ADAMTS17: variants seen among roughly 807,000 people sequenced by gnomAD.
ADAMTS17 encodes the protein A disintegrin and metalloproteinase with thrombospondin motifs 17.
Under a neutral mutation model 141.5 loss-of-function variants are expected in ADAMTS17, and 113 were observed. The ratio of observed to expected loss-of-function variants is 0.80; its 90% confidence interval spans 0.69 to 0.93. ADAMTS17 has a LOEUF of 0.93. ADAMTS17 is among the 40% of genes least tolerant of loss of function. ADAMTS17 has a pLI of 0.00. For missense variants in ADAMTS17, 1,659 were observed against 1,517.9 expected, an observed-to-expected ratio of 1.09 and a Z score of -1.54; for synonymous variants, 768 against 630.6, an observed-to-expected ratio of 1.22 and a Z score of -3.27.
chr15:100,330,813 C>T (rs2046027870), intron 3 of ADAMTS17, 76 bp downstream of exon 3: 2 of 1,573,428 alleles, frequency 1.3e-6, no homozygotes, highest in Non-Finnish European at 1.7e-6. Flanking sequence ...CATGTGGCTT[C>T]AGTGCACTTG....
chr15:100,327,174 A>G (rs1167830003), intron 3 of ADAMTS17, among the ~76,000 whole-genome samples: 1 of 152,238 alleles, frequency 6.6e-6, no homozygotes, highest in Non-Finnish European at 1.5e-5. Context: ...ACAAAGCACA[A>G]GACCTGACCA....
At chr15:100,125,435 G>A (rs191455274) in intron 12 of ADAMTS17, among the ~76,000 whole-genome samples, 29 of 152,306 alleles carry the variant, frequency 1.9e-4, no homozygotes, top group Middle Eastern at 3.4e-3. Flanking sequence ...TCCTCCCGCC[G>A]TCTTAGCAGG....
intron 7 of ADAMTS17, among the ~76,000 whole-genome samples, chr15:100,213,821 G>C (rs761423056): frequency 1.3e-5 from 2 of 152,216 alleles, no homozygotes; most frequent in Non-Finnish European, 2.9e-5. Flanking sequence ...GGGAGCACAC[G>C]CACTACCAGT....
intron 13 of ADAMTS17, among the ~76,000 whole-genome samples, chr15:100,112,049 T>G (rs1022174485): frequency 6.6e-6 from 1 of 152,220 alleles, no homozygotes; most frequent in Non-Finnish European, 1.5e-5. Flanking sequence ...TATCCTCTGA[T>G]TCGAGTAGAA....
At chr15:100,217,427 G>C (rs2042003065) in intron 7 of ADAMTS17, among the ~76,000 whole-genome samples, 1 of 152,106 alleles carries the variant, frequency 6.6e-6, no homozygotes, top group African/African-American at 2.4e-5. Context: ...GGAAAACCCT[G>C]TCTCTACTAA....
At chr15:100,323,796 C>G (rs925525314) in intron 3 of ADAMTS17, among the ~76,000 whole-genome samples, 20 of 152,098 alleles carry the variant, frequency 1.3e-4, no homozygotes, top group Non-Finnish European at 2.2e-4. Flanking sequence ...TAAATGCAAG[C>G]TGCACAGCAT....
chr15:100,309,846 C>A (rs1354558339), intron 3 of ADAMTS17, among the ~76,000 whole-genome samples: 1 of 152,200 alleles, frequency 6.6e-6, no homozygotes, highest in Admixed American at 6.5e-5. Context: ...CCTGCTGCCC[C>A]CGACCACAGT....
chr15:100,222,493 G>A (rs2042165941), intron 7 of ADAMTS17, among the ~76,000 whole-genome samples: 1 of 152,174 alleles, frequency 6.6e-6, no homozygotes, highest in Non-Finnish European at 1.5e-5. Context: ...TGCTGCACTG[G>A]GAGAACACAG....
At chr15:100,340,898 G>A in intron 2 of ADAMTS17, 141 bp downstream of exon 2, 1 of 1,303,234 alleles carries the variant, frequency 7.7e-7, no homozygotes, top group Non-Finnish European at 1.1e-6. Context: ...GGGATGGGGA[G>A]AGGTGGAAAG....
At chr15:100,091,335 TA>T (rs1461906026) in intron 15 of ADAMTS17, among the ~76,000 whole-genome samples, 2 of 152,192 alleles carry the variant, frequency 1.3e-5, no homozygotes, top group African/African-American at 2.4e-5. Flanking sequence ...ATTCACATTT[TA>T]GGTAAGGCTT....
At chr15:100,267,703 C>T (rs1305291914) in intron 4 of ADAMTS17, among the ~76,000 whole-genome samples, 1 of 152,108 alleles carries the variant, frequency 6.6e-6, no homozygotes, top group Non-Finnish European at 1.5e-5. Context: ...TAGTAGTCCG[C>T]AGTGTCTGCT....
chr15:100,061,882 G>T (rs1340890276), intron 15 of ADAMTS17, among the ~76,000 whole-genome samples: 1 of 152,246 alleles, frequency 6.6e-6, no homozygotes, highest in Non-Finnish European at 1.5e-5. Context: ...AGGGCCTCCA[G>T]TACATTCAAA....
intron 7 of ADAMTS17, among the ~76,000 whole-genome samples, chr15:100,200,604 C>T (rs1293880629): frequency 4.6e-5 from 7 of 152,202 alleles, no homozygotes; most frequent in Non-Finnish European, 1.0e-4. Flanking sequence ...GACACGCAAG[C>T]GGATGGTGGC....
intron 4 of ADAMTS17, among the ~76,000 whole-genome samples, chr15:100,265,462 G>A (rs1008808666): frequency 6.6e-6 from 1 of 152,248 alleles, no homozygotes; most frequent in African/African-American, 2.4e-5. Context: ...CCCAGCAAGT[G>A]TTCAGTCCTG....
chr15:100,051,838 A>T (rs999877961), intron 16 of ADAMTS17, 107 bp from the exon 17 acceptor site: 3 of 1,405,556 alleles, frequency 2.1e-6, no homozygotes, highest in East Asian at 4.6e-5. Flanking sequence ...TATGAGGGGT[A>T]ACCAGCTCTT....
intron 2 of ADAMTS17, among the ~76,000 whole-genome samples, chr15:100,333,069 T>C (rs778947953): frequency 2.6e-5 from 4 of 152,152 alleles, no homozygotes; most frequent in Non-Finnish European, 4.4e-5. Context: ...ACCTATGCAT[T>C]ACACACAGTC....
intron 3 of ADAMTS17, among the ~76,000 whole-genome samples, chr15:100,287,014 C>T (rs751743422): frequency 1.3e-5 from 2 of 152,102 alleles, no homozygotes; most frequent in East Asian, 1.9e-4. Flanking sequence ...CTGGTTAAAC[C>T]CCGTCTCTAC....
intron 20 of ADAMTS17, among the ~76,000 whole-genome samples, chr15:99,977,454 C>T (rs1181185819): frequency 3.7e-4 from 47 of 127,706 alleles, no homozygotes; most frequent in African/African-American, 1.3e-3. Context: ...CTTTATCACC[C>T]AGGCTGGAGT....
At chr15:100,266,311 G>A (rs577423561) in intron 4 of ADAMTS17, among the ~76,000 whole-genome samples, 1 of 152,252 alleles carries the variant, frequency 6.6e-6, no homozygotes, top group South Asian at 2.1e-4. Context: ...CACAAAACCA[G>A]CACAGCACAT....
Sources: gnomAD v4.1 joint callset for allele counts (sites outside exome capture counted in the v4.1 genomes callset) on GRCh38, gnomAD v4.1.1 for gene constraint, MANE v1.5 for transcripts, NCBI Gene and HGNC (gene_info 2026-07-23, HGNC 2026-07-21) for gene names.